Variants in PRKN observed in about 807,000 individuals in gnomAD.
PRKN encodes the protein E3 ubiquitin-protein ligase parkin.
A neutral mutation model predicts 59.5 loss-of-function variants in PRKN; 56 were observed. That is an observed-to-expected ratio of 0.94 (90% CI 0.76 to 1.18). PRKN has a LOEUF of 1.18. Ranked by LOEUF, PRKN falls within the 50% of genes most tolerant of loss-of-function variation. The probability of loss-of-function intolerance (pLI) is 0.00; values close to 1 mark genes in which losing one functional copy is unlikely to be tolerated. For missense variants in PRKN, 657 were observed against 596.4 expected (o/e 1.10, Z -1.06); for synonymous variants, 250 against 222.1 (o/e 1.13, Z -1.12).
At chr6:162,132,527 C>T (rs557169139) in intron 4 of PRKN, among the ~76,000 whole-genome samples, 2 of 152,114 alleles carry the variant, frequency 1.3e-5, no homozygotes, top group Middle Eastern at 3.4e-3. Context: ...TCTTATCTAA[C>T]GGGGTGTTTG....
Position 161,468,241 on chromosome 6 carries a change from A to G in PRKN, c.1083+80613T>C, listed in dbSNP as rs991433537. ...GCCCGCCTCAACCTCCCAACGTGCT[A>G]GGATTACAGGCATGAGCCGCCATGC... is the stretch of plus-strand genomic sequence containing the variant. On this transcript the variant is annotated intron_variant, in intron 9 of 11. Coordinates refer to ENST00000366898, the MANE Select transcript of PRKN (RefSeq NM_004562.3). The surrounding 1 kb of genome is among the most constrained non-coding windows in gnomAD (Gnocchi z 5.9). 7.9e-5 allele frequency among the ~76,000 whole-genome samples: 12 copies of G among 152,024 alleles called. No individual in the cohort carries two copies. Among genetic ancestry groups the G allele is most frequent in the South Asian group, 2.1e-4 (1 of 4,814 alleles).
At chr6:161,983,758 G>T (rs1481352796) in intron 5 of PRKN, among the ~76,000 whole-genome samples, 6 of 89,506 alleles carry the variant, frequency 6.7e-5, no homozygotes, top group Non-Finnish European at 1.1e-4. Flanking sequence ...GACTGTGGTG[G>T]GGTCGGGGGA....
intron 1 of PRKN, among the ~76,000 whole-genome samples, chr6:162,588,444 T>C (rs1216200511): frequency 2.0e-5 from 3 of 151,874 alleles, no homozygotes; most frequent in East Asian, 3.9e-4. Flanking sequence ...AACAACTGAG[T>C]TTCCCAGGAA....
rs548108598 is a variant in PRKN, at chr6:162,082,041, G to A, written c.535-27867C>T. On this transcript the variant is annotated intron_variant, in intron 4 of 11. Transcript: ENST00000366898. ...CTCTCAGCCTTCATAGAATTGAAGA[G>A]GGTACAGGTCTTTGATCTGGTTTGG... Among the ~76,000 whole-genome samples, 4 of 152,200 alleles carry A rather than the reference G, an allele frequency of 2.6e-5. No individual in the cohort carries two copies. The South Asian group carries it at 6.2e-4, about 24-fold the overall frequency.
chr6:161,808,323 G>C (rs1791420131), intron 6 of PRKN, among the ~76,000 whole-genome samples: 1 of 152,108 alleles, frequency 6.6e-6, no homozygotes, highest in South Asian at 2.1e-4. Context: ...TGGTAACTTA[G>C]ATAAAAGCAC....
intron 2 of PRKN, among the ~76,000 whole-genome samples, chr6:162,279,950 CT>C (rs1223492908): frequency 6.6e-6 from 1 of 152,042 alleles, no homozygotes; most frequent in Non-Finnish European, 1.5e-5. Flanking sequence ...CTGTTTTGAT[CT>C]TTGTTGGTTT....
chr6:161,825,718 C>T (rs1341222824), intron 6 of PRKN, among the ~76,000 whole-genome samples: 1 of 152,180 alleles, frequency 6.6e-6, no homozygotes, highest in African/African-American at 2.4e-5. Context: ...AGGGTGTCTG[C>T]TCCCCCCGGG....
intron 9 of PRKN, among the ~76,000 whole-genome samples, chr6:161,536,956 C>A (rs914705459): frequency 7.2e-5 from 11 of 152,298 alleles, no homozygotes; most frequent in Admixed American, 2.0e-4. Flanking sequence ...ACAGGAAGTT[C>A]TGGGTCAATA....
intron 1 of PRKN, among the ~76,000 whole-genome samples, chr6:162,605,756 A>G (rs1457553483): frequency 6.6e-6 from 1 of 152,208 alleles, no homozygotes; most frequent in African/African-American, 2.4e-5. Flanking sequence ...AATATGTCAA[A>G]ATGATATATT....
At chr6:162,256,095 T>C (rs1779628824) in intron 3 of PRKN, among the ~76,000 whole-genome samples, 1 of 152,102 alleles carries the variant, frequency 6.6e-6, no homozygotes, top group East Asian at 1.9e-4. Context: ...TTACAGAGCA[T>C]CAGAGGTATC....
chr6:162,274,200 T>A (rs1233468699), intron 2 of PRKN, among the ~76,000 whole-genome samples: 1 of 152,000 alleles, frequency 6.6e-6, no homozygotes, highest in East Asian at 1.9e-4. Context: ...TTTATTTATT[T>A]ATTTTGTGAG....
rs949370542 is a variant in PRKN at position 161,783,389 on chromosome 6, G to A, written c.871+2383C>T. Among the ~76,000 whole-genome samples the A allele has an allele frequency of 3.3e-5, 5 of 152,228 alleles. No individual in the cohort carries two copies. In the East Asian group the frequency reaches 7.7e-4, roughly 24 times the overall value. ...TTTAAATACTATTTCCTACGAAAGG[G>A]AGCCAGAGGTCCTGAGAAAAATGGC... On this transcript the variant is annotated intron_variant, in intron 7 of 11. Transcript: ENST00000366898.
At chr6:162,610,847 A>G (rs1362544509) in intron 1 of PRKN, among the ~76,000 whole-genome samples, 2 of 152,180 alleles carry the variant, frequency 1.3e-5, no homozygotes, top group African/African-American at 2.4e-5. Flanking sequence ...AATTTTGACT[A>G]AGGTAACATT....
At chr6:161,729,188 G>T (rs1787573533) in intron 7 of PRKN, among the ~76,000 whole-genome samples, 1 of 152,124 alleles carries the variant, frequency 6.6e-6, no homozygotes. Context: ...TAATGAAGAA[G>T]GTTTAATATT....
intron 5 of PRKN, among the ~76,000 whole-genome samples, chr6:161,989,336 C>T (rs1781556190): frequency 6.6e-6 from 1 of 152,184 alleles, no homozygotes; most frequent in Non-Finnish European, 1.5e-5. Flanking sequence ...TGCCCATGCA[C>T]ATCAGGGGGC....
intron 5 of PRKN, among the ~76,000 whole-genome samples, chr6:161,987,743 C>T (rs978400832): frequency 7.9e-5 from 12 of 152,092 alleles, no homozygotes; most frequent in African/African-American, 1.9e-4. Context: ...TGAAAAATTT[C>T]GGAGTCCAAT....
chr6:162,062,953 A>G (rs1188396001), intron 4 of PRKN, among the ~76,000 whole-genome samples: 2 of 152,344 alleles, frequency 1.3e-5, no homozygotes, highest in East Asian at 1.9e-4. Flanking sequence ...AGGAAACTCA[A>G]TAAGAGACAG....
intron 1 of PRKN, among the ~76,000 whole-genome samples, chr6:162,483,136 T>C (rs1035432749): frequency 7.9e-5 from 12 of 152,144 alleles, no homozygotes; most frequent in Non-Finnish European, 1.6e-4. Context: ...ACAAACATAA[T>C]GTGAACCCCT....
rs1451833955 is a variant in PRKN, at chr6:161,379,049, T to C, written c.1167+7745A>G. On this transcript the variant is annotated intron_variant, in intron 10 of 11. Coordinates refer to ENST00000366898, the MANE Select transcript of PRKN (RefSeq NM_004562.3). This position sits in a 1 kb window ranked among gnomAD's most constrained non-coding sequence, Gnocchi z 4.9. ...AGGGATTAGCAGGCTAGAAAGGGAG[T>C]TGCCATCCTGGAAGGGGTAACTGAC... is the stretch of plus-strand genomic sequence containing the variant. 6.6e-6 allele frequency among the ~76,000 whole-genome samples: 1 copy of C among 151,974 alleles called. No homozygotes were observed. Among genetic ancestry groups the C allele is most frequent in the Non-Finnish European group, 1.5e-5 (1 of 67,992 alleles).
Sources: gnomAD v4.1 joint callset for allele counts (sites outside exome capture counted in the v4.1 genomes callset) on GRCh38, gnomAD v4.1.1 for gene constraint, Gnocchi (gnomAD v3.1) non-coding constraint, MANE v1.5 for transcripts, NCBI Gene and HGNC (gene_info 2026-07-23, HGNC 2026-07-21) for gene names.